The following NTNG2 variants were observed in gnomAD, a reference collection of about 807,000 sequenced individuals.
NTNG2 encodes netrin-G2.
NTNG2 carries 15 observed loss-of-function variants against 47.6 expected under a neutral mutation model. That is an observed-to-expected ratio of 0.32 (90% CI 0.21 to 0.49). The LOEUF (loss-of-function observed/expected upper bound fraction) is 0.49. Ranked by LOEUF, NTNG2 falls within the 20% of genes least tolerant of loss-of-function variation. NTNG2 has a pLI of 0.99. For missense variants in NTNG2, 578 were observed against 764.6 expected (o/e 0.76, Z 2.88); for synonymous variants, 307 against 324.6 (o/e 0.95, Z 0.58).
chr9:132,215,687 A>T lies in NTNG2; in HGVS notation c.858-11162A>T, dbSNP rs1839920220. ...GGGGCGCCCCAGGGGCCTGGAGAAT[A>T]GGTTGATTATCTCTATTTTGGGGAG... On this transcript the variant is annotated intron_variant, in intron 3 of 7. Transcript: ENST00000393229. The surrounding 1 kb of genome is among the most constrained non-coding windows in gnomAD (Gnocchi z 4.2). Among the ~76,000 whole-genome samples, 1 of 152,074 alleles carries T rather than the reference A, an allele frequency of 6.6e-6. No homozygotes were observed. Among genetic ancestry groups the T allele is most frequent in the Non-Finnish European group, 1.5e-5 (1 of 68,034 alleles).
chr9:132,241,997 C>T lies in NTNG2; in HGVS notation c.1479C>T (p.Pro493=), dbSNP rs1445909368. The T allele has an allele frequency of 1.1e-5, 16 of 1,481,824 alleles. No homozygotes were observed. The Admixed American group carries it at 2.8e-4, about 26-fold the overall frequency. 91.8% of individuals were successfully genotyped at this position (1,481,824 alleles called of 1,614,324 possible). A position where few individuals can be genotyped will look rare whatever the true frequency, so the allele number is the denominator to read the frequency against. Reference sequence around the variant, plus strand: ...GCTGCGAGCAGCCCCGCTGCGACCCCGCCGACGATGACGGCGGTCTGGACT... The same window carrying T: ...GCTGCGAGCAGCCCCGCTGCGACCCTGCCGACGATGACGGCGGTCTGGACT... The part of the protein sequence containing the change: ...GVRCEQPRCD[P]ADDDGGLDCD... Residue 493 remains proline (P), a synonymous_variant, in exon 8 of 8, where the codon CCC becomes CCT. Coordinates refer to ENST00000393229, the MANE Select transcript of NTNG2 (RefSeq NM_032536.4).
Position 132,236,535 on chromosome 9 carries a change from C to T in NTNG2, c.1055-2569C>T, listed in dbSNP as rs907969718. ...GTTCAAATTTCCTCCAGCCCCAGCT[C>T]TGAGCAGCGAGCAGGGCTTTGAGCG... On this transcript the variant is annotated intron_variant, in intron 5 of 7. Transcript: ENST00000393229. This position sits in a 1 kb window ranked among gnomAD's most constrained non-coding sequence, Gnocchi z 4.3. 6.6e-6 allele frequency among the ~76,000 whole-genome samples: 1 copy of T among 152,252 alleles called. No homozygotes were observed. The highest frequency in any genetic ancestry group is 6.5e-5 in the Admixed American group (1 of 15,292).
rs1026314750 is a variant in NTNG2 at position 132,228,492 on chromosome 9, G to A, written c.1030+1471G>A. ...TGACTCACAAATTTGCTGCCCTTTCGTCTGTCCTGAGGGCCGCTCTCTCTT... is the reference window on the plus strand; with the variant it reads ...TGACTCACAAATTTGCTGCCCTTTCATCTGTCCTGAGGGCCGCTCTCTCTT... On this transcript the variant is annotated intron_variant, in intron 4 of 7. Transcript: ENST00000393229. Among the ~76,000 whole-genome samples the A allele has an allele frequency of 5.9e-5, 9 of 151,476 alleles. No individual in the cohort carries two copies. In the East Asian group the frequency reaches 7.8e-4, roughly 13 times the overall value.
chr9:132,185,217 T>C (rs1490827081), intron 2 of NTNG2, among the ~76,000 whole-genome samples: 1 of 152,088 alleles, frequency 6.6e-6, no homozygotes, highest in Non-Finnish European at 1.5e-5. Flanking sequence ...AGCTGATGCT[T>C]CCCCCGACCC....
chr9:132,184,368 G>A (rs898357248), intron 2 of NTNG2, among the ~76,000 whole-genome samples: 1 of 152,200 alleles, frequency 6.6e-6, no homozygotes, highest in Non-Finnish European at 1.5e-5. Context: ...GCTGTGTCAG[G>A]CTCCGCCCCT....
rs1345735087 is a variant in NTNG2, at chr9:132,242,161, T to C, written c.*50T>C. On this transcript the variant is annotated 3_prime_UTR_variant, in exon 8 of 8. Coordinates refer to ENST00000393229, the MANE Select transcript of NTNG2 (RefSeq NM_032536.4). The surrounding 1 kb of genome is among the most constrained non-coding windows in gnomAD (Gnocchi z 5.9). ...CACCCGGAGGCCGGGGGTCCCGGGG[T>C]CCCGGGGCGGGGCCGGCGTCCGAGG... 5.2e-6 allele frequency: 5 copies of C among 954,224 alleles called. No individual in the cohort carries two copies. In the South Asian group the frequency reaches 2.5e-4, roughly 47 times the overall value. 59.1% of individuals were successfully genotyped at this position (954,224 alleles called of 1,614,324 possible).
chr9:132,179,481 G>A (rs994337929), intron 2 of NTNG2, among the ~76,000 whole-genome samples: 4 of 152,210 alleles, frequency 2.6e-5, no homozygotes, highest in African/African-American at 4.8e-5. Context: ...AGAGTGCTCT[G>A]TGCCAGGAGG....
intron 3 of NTNG2, among the ~76,000 whole-genome samples, chr9:132,204,790 G>T (rs1390723833): frequency 6.6e-6 from 1 of 152,124 alleles, no homozygotes; most frequent in East Asian, 1.9e-4. Flanking sequence ...GATATAGATG[G>T]AAGGGCTGGG....
At chr9:132,202,098 C>T (rs1243874713) in intron 3 of NTNG2, among the ~76,000 whole-genome samples, 1 of 152,202 alleles carries the variant, frequency 6.6e-6, no homozygotes, top group Non-Finnish European at 1.5e-5. Flanking sequence ...CTGACTTGAG[C>T]CCACCTGGAG....
rs1840330952 is a variant in NTNG2, at chr9:132,221,276, G to A, written c.858-5573G>A. ...GGAACAGCATGTGCAAAGGCCCAGAGAAAAGCAAGATCAGAACATCTGCTG... is the reference window on the plus strand; with the variant it reads ...GGAACAGCATGTGCAAAGGCCCAGAAAAAAGCAAGATCAGAACATCTGCTG... On this transcript the variant is annotated intron_variant, in intron 3 of 7. Coordinates refer to ENST00000393229, the MANE Select transcript of NTNG2 (RefSeq NM_032536.4). This position sits in a 1 kb window ranked among gnomAD's most constrained non-coding sequence, Gnocchi z 4.2. Among the ~76,000 whole-genome samples the A allele has an allele frequency of 6.6e-6, 1 of 152,206 alleles. No individual in the cohort carries two copies. Among genetic ancestry groups the A allele is most frequent in the Admixed American group, 6.5e-5 (1 of 15,284 alleles).
At chr9:132,196,245 C>T (rs1327975741) in intron 2 of NTNG2, among the ~76,000 whole-genome samples, 1 of 152,198 alleles carries the variant, frequency 6.6e-6, no homozygotes, top group East Asian at 1.9e-4. Flanking sequence ...GGCTGGAGTG[C>T]AATGGCACGA....
chr9:132,229,630 G>A (rs1488921999), intron 4 of NTNG2, among the ~76,000 whole-genome samples: 3 of 152,200 alleles, frequency 2.0e-5, no homozygotes, highest in African/African-American at 4.8e-5. Flanking sequence ...GCACCCCGAG[G>A]TGTCCTCAGG....
At chr9:132,214,109 C>G (rs945181395) in intron 3 of NTNG2, among the ~76,000 whole-genome samples, 1 of 152,230 alleles carries the variant, frequency 6.6e-6, no homozygotes, top group Non-Finnish European at 1.5e-5. Flanking sequence ...ATCCCTGGCT[C>G]GCTCACCCAA....
At chr9:132,235,213 CACTTCT>C (rs1841530122) in intron 5 of NTNG2, among the ~76,000 whole-genome samples, 1 of 152,184 alleles carries the variant, frequency 6.6e-6, no homozygotes. Flanking sequence ...CCTTCCAGGA[CACTTCT>C]GGACACATGT....
rs537672860 is a variant in NTNG2 at position 132,198,541 on chromosome 9, C to T, written c.789C>T (p.Gly263=). ...GGCTGCTGCGCCCGGCGCTGGGCGG[C>T]ACCTATGTGCAGCGGGAGAACCTCT... is the stretch of plus-strand genomic sequence containing the variant. ...RMRLLRPALG[G]TYVQRENLYK... Residue 263 remains glycine, a synonymous_variant, in exon 3 of 8, where the codon GGC becomes GGT. Coordinates refer to ENST00000393229, the MANE Select transcript of NTNG2 (RefSeq NM_032536.4). 2 of 1,613,096 alleles carry T rather than the reference C, an allele frequency of 1.2e-6. No homozygotes were observed. Among genetic ancestry groups the T allele is most frequent in the South Asian group, 2.2e-5 (2 of 91,070 alleles).
intron 3 of NTNG2, among the ~76,000 whole-genome samples, chr9:132,212,597 C>T (rs1839667748): frequency 6.6e-6 from 1 of 152,166 alleles, no homozygotes; most frequent in Non-Finnish European, 1.5e-5. Context: ...CAGACCTCCC[C>T]TCTGCCCCCA....
Position 132,236,677 on chromosome 9 carries a change from C to CTGGCGGG in NTNG2, c.1055-2426_1055-2420dup. On this transcript the variant is annotated intron_variant, in intron 5 of 7. Transcript: ENST00000393229. The surrounding 1 kb of genome is among the most constrained non-coding windows in gnomAD (Gnocchi z 4.3). ...GTCCTCTGTGGTGATGGAGACAGAGCTGGCGGGAGCCATCGCTTCCCTACC... is the reference window on the plus strand; with the variant it reads ...GTCCTCTGTGGTGATGGAGACAGAGCTGGCGGGTGGCGGGAGCCATCGCTTCCCTACC... Among the ~76,000 whole-genome samples, 1 of 152,244 alleles carries CTGGCGGG rather than the reference C, an allele frequency of 6.6e-6. No individual in the cohort carries two copies. Among genetic ancestry groups the CTGGCGGG allele is most frequent in the East Asian group, 1.9e-4 (1 of 5,198 alleles).
chr9:132,208,132 TG>T lies in NTNG2; in HGVS notation c.857+9526del, dbSNP rs111839214. ...ACCCAGGGCAATATGGGAGTGGAGC[TG>T]GGAACCAACCTGAGACCTGGACCCA... On this transcript the variant is annotated intron_variant, in intron 3 of 7. Coordinates refer to ENST00000393229, the MANE Select transcript of NTNG2 (RefSeq NM_032536.4). The surrounding 1 kb of genome is among the most constrained non-coding windows in gnomAD (Gnocchi z 4.0). Among the ~76,000 whole-genome samples the T allele has an allele frequency of 2.4e-3, 362 of 151,564 alleles. 2 individuals are homozygous for T. Among genetic ancestry groups the T allele is most frequent in the African/African-American group, 7.4e-3 (304 of 41,256 alleles).
At chr9:132,225,481 T>C (rs1840687341) in intron 3 of NTNG2, among the ~76,000 whole-genome samples, 1 of 152,138 alleles carries the variant, frequency 6.6e-6, no homozygotes, top group Admixed American at 6.5e-5. Flanking sequence ...TGTTACCCAG[T>C]CTGGCCTCAA....
Sources: allele counts gnomAD v4.1 joint callset (sites outside exome capture counted in the v4.1 genomes callset), GRCh38; gene constraint gnomAD v4.1.1; non-coding constraint Gnocchi (gnomAD v3.1); transcripts MANE v1.5; gene names NCBI Gene and HGNC (gene_info 2026-07-23, HGNC 2026-07-21).